The following GALNTL6 variants were observed in gnomAD, a reference collection of about 807,000 sequenced individuals.
GALNTL6 encodes the protein polypeptide N-acetylgalactosaminyltransferase-like 6.
In GALNTL6, 46 loss-of-function variants were observed where a neutral mutation model predicts 73.7. That is an observed-to-expected ratio of 0.62 (90% CI 0.49 to 0.80). GALNTL6 has a LOEUF of 0.80. GALNTL6 is among the 30% of genes least tolerant of loss of function. The pLI, the probability that GALNTL6 is intolerant of heterozygous loss-of-function variation, is 0.00. For missense variants in GALNTL6, 604 were observed against 755.0 expected, an observed-to-expected ratio of 0.80 and a Z score of 2.34; for synonymous variants, 259 against 263.7, an observed-to-expected ratio of 0.98 and a Z score of 0.17.
chr4:171,919,736 C>G (rs532329530), intron 2 of GALNTL6, among the ~76,000 whole-genome samples: 2 of 152,170 alleles, frequency 1.3e-5, no homozygotes, highest in East Asian at 1.9e-4. Flanking sequence ...CTTGGTAGGG[C>G]GCTCAGCAGA....
At chr4:172,421,283 A>G (rs1731045903) in intron 5 of GALNTL6, among the ~76,000 whole-genome samples, 1 of 152,146 alleles carries the variant, frequency 6.6e-6, no homozygotes, top group African/African-American at 2.4e-5. Context: ...TGTAAAGTGA[A>G]AATAATCATA....
intron 7 of GALNTL6, among the ~76,000 whole-genome samples, chr4:172,828,305 A>G (rs1051187738): frequency 5.3e-5 from 8 of 151,558 alleles, no homozygotes; most frequent in African/African-American, 1.9e-4. Flanking sequence ...AACAAAAAAA[A>G]CATTGAAGTG....
intron 2 of GALNTL6, among the ~76,000 whole-genome samples, chr4:172,203,101 T>G (rs1347311272): frequency 1.3e-5 from 2 of 152,208 alleles, no homozygotes; most frequent in Non-Finnish European, 2.9e-5. Context: ...AAATAGGCAG[T>G]GTTTGTGTTG....
chr4:172,066,929 A>C (rs879564315), intron 2 of GALNTL6, among the ~76,000 whole-genome samples: 2 of 152,130 alleles, frequency 1.3e-5, no homozygotes, highest in Non-Finnish European at 2.9e-5. Context: ...AAAGACAAGC[A>C]ATTGAATGAA....
At chr4:172,264,037 T>C (rs1270399998) in intron 3 of GALNTL6, among the ~76,000 whole-genome samples, 2 of 151,006 alleles carry the variant, frequency 1.3e-5, no homozygotes, top group Non-Finnish European at 3.0e-5. Context: ...ACTACATTTT[T>C]TATGTTATTT....
rs149404060 is a variant in GALNTL6, at chr4:172,953,834, C to A, written c.1371+1576C>A. Among the ~76,000 whole-genome samples, 26 of 152,238 alleles carry A rather than the reference C, an allele frequency of 1.7e-4. No homozygotes were observed. The East Asian group carries it at 3.5e-3, about 20-fold the overall frequency. On this transcript the variant is annotated intron_variant, in intron 10 of 12. Transcript: ENST00000506823. The stretch of plus-strand genomic sequence containing the variant: ...ATCTTAAACATTTTATTAAAACATC[C>A]CTAGAATATTAGTAATATTAGCCTG...
intron 5 of GALNTL6, among the ~76,000 whole-genome samples, chr4:172,753,416 T>C (rs1283322648): frequency 6.6e-6 from 1 of 152,202 alleles, no homozygotes; most frequent in Admixed American, 6.5e-5. Flanking sequence ...TCATTAAATA[T>C]TTAGGTTATT....
At chr4:172,392,698 A>G (rs1349460550) in intron 5 of GALNTL6, among the ~76,000 whole-genome samples, 2 of 152,170 alleles carry the variant, frequency 1.3e-5, no homozygotes, top group African/African-American at 2.4e-5. Context: ...ATACAAAATA[A>G]TATACTAAAA....
chr4:172,450,640 T>C (rs760861138), intron 5 of GALNTL6, among the ~76,000 whole-genome samples: 1 of 152,254 alleles, frequency 6.6e-6, no homozygotes, highest in African/African-American at 2.4e-5. Flanking sequence ...GAGTTCCTTG[T>C]GTTCCTCACC....
At chr4:172,602,037 A>G (rs1738068731) in intron 5 of GALNTL6, among the ~76,000 whole-genome samples, 1 of 152,132 alleles carries the variant, frequency 6.6e-6, no homozygotes, top group Non-Finnish European at 1.5e-5. Context: ...AAAAACCAAT[A>G]CTGAAGACAA....
At chr4:172,992,849 G>T (rs536473230) in intron 10 of GALNTL6, among the ~76,000 whole-genome samples, 21 of 152,248 alleles carry the variant, frequency 1.4e-4, no homozygotes, top group African/African-American at 5.1e-4. Flanking sequence ...TCATCGGATC[G>T]CTAAGCAAGC....
chr4:172,792,687 T>TTC (rs1740063384), intron 5 of GALNTL6, among the ~76,000 whole-genome samples: 1 of 151,104 alleles, frequency 6.6e-6, no homozygotes, highest in African/African-American at 2.4e-5. Flanking sequence ...TTTTTTTTTT[T>TTC]CCTTGAAAAG....
intron 2 of GALNTL6, among the ~76,000 whole-genome samples, chr4:172,017,069 G>A (rs111310289): frequency 3.2e-4 from 48 of 152,224 alleles, no homozygotes; most frequent in African/African-American, 1.1e-3. Context: ...GGCTAATAGG[G>A]GAGTTATTCC....
intron 5 of GALNTL6, among the ~76,000 whole-genome samples, chr4:172,594,488 GA>G (rs1269555878): frequency 2.0e-5 from 3 of 151,940 alleles, no homozygotes; most frequent in Non-Finnish European, 4.4e-5. Flanking sequence ...ATAAAGTATG[GA>G]AAATTCAGCT....
At chr4:171,839,497 T>C (rs1204970713) in intron 2 of GALNTL6, among the ~76,000 whole-genome samples, 5 of 152,088 alleles carry the variant, frequency 3.3e-5, no homozygotes, top group African/African-American at 1.2e-4. Flanking sequence ...GCTTAGTTTC[T>C]ACATGTGTGT....
intron 2 of GALNTL6, among the ~76,000 whole-genome samples, chr4:172,228,394 T>G (rs1016910533): frequency 3.3e-5 from 5 of 152,208 alleles, no homozygotes; most frequent in African/African-American, 9.6e-5. Flanking sequence ...GTCACCTGAT[T>G]GGGAAAATCT....
At chr4:172,392,148 C>A (rs1363558268) in intron 5 of GALNTL6, among the ~76,000 whole-genome samples, 1 of 151,970 alleles carries the variant, frequency 6.6e-6, no homozygotes, top group Non-Finnish European at 1.5e-5. Flanking sequence ...GCCACCACAC[C>A]CCCCTAATTT....
At position 171,894,529 on chromosome 4, in the gene GALNTL6, A is replaced by G. The variant is rs1455545622; in HGVS notation, c.138+79811A>G. On this transcript the variant is annotated intron_variant, in intron 2 of 12. Coordinates refer to ENST00000506823, the MANE Select transcript of GALNTL6 (RefSeq NM_001034845.3). The stretch of plus-strand genomic sequence containing the variant: ...AAAAGTAACTGTAGAGAAAGAAAAC[A>G]TAAATATTTTCTTTAATGTTTGAAA... 2.6e-5 allele frequency among the ~76,000 whole-genome samples: 4 copies of G among 152,246 alleles called. No individual in the cohort carries two copies. The East Asian group carries it at 7.7e-4, about 29-fold the overall frequency.
chr4:172,687,329 G>T (rs527820610), intron 5 of GALNTL6, among the ~76,000 whole-genome samples: 7 of 152,146 alleles, frequency 4.6e-5, no homozygotes, highest in Admixed American at 1.3e-4. Context: ...TTGAGAATTA[G>T]CCCTGTTAAT....
Sources: gnomAD v4.1 joint callset for allele counts (sites outside exome capture counted in the v4.1 genomes callset) on GRCh38, gnomAD v4.1.1 for gene constraint, MANE v1.5 for transcripts, NCBI Gene and HGNC (gene_info 2026-07-23, HGNC 2026-07-21) for gene names.